C6: variants seen among roughly 807,000 people sequenced by gnomAD.
The protein encoded by C6 is complement C6.
In C6, 101 loss-of-function variants were observed where a neutral mutation model predicts 112.9. The observed-to-expected ratio is 0.89, with a 90% confidence interval of 0.76 to 1.06. C6 has a LOEUF of 1.06. Ranked by LOEUF, C6 falls within the 50% of genes least tolerant of loss-of-function variation. C6 has a pLI of 0.00. For missense variants in C6, 1,202 were observed against 1,104.6 expected, an observed-to-expected ratio of 1.09 and a Z score of -1.25; for synonymous variants, 431 against 384.1, an observed-to-expected ratio of 1.12 and a Z score of -1.43.
intron 17 of C6, among the ~76,000 whole-genome samples, chr5:41,144,430 C>A (rs1414474477): frequency 2.6e-5 from 4 of 151,894 alleles, no homozygotes; most frequent in Non-Finnish European, 5.9e-5. Context: ...ACCATGCTCA[C>A]CTAATCTATT....
At chr5:41,257,904 A>T (rs1003126064) in intron 1 of C6, among the ~76,000 whole-genome samples, 11 of 152,122 alleles carry the variant, frequency 7.2e-5, no homozygotes, top group African/African-American at 2.7e-4. Flanking sequence ...GATATTATTT[A>T]CTTAAAAGAA....
Position 41,186,212 on chromosome 5 carries a change from G to T in C6, c.588-4C>A. On this transcript the variant is annotated splice_region_variant and splice_polypyrimidine_tract_variant and intron_variant, in intron 5 of 17. Transcript: ENST00000337836. ...CTCTCCTGCCAGAAAATGAAACCTA[G>T]AAACAAAGTAATTTTCAGGAATTCA... 1 of 1,613,574 alleles carries T rather than the reference G, an allele frequency of 6.2e-7. No homozygotes were observed. The highest frequency in any genetic ancestry group is 8.5e-7 in the Non-Finnish European group (1 of 1,179,722).
chr5:41,206,421 C>T (rs1041864911), intron 1 of C6, among the ~76,000 whole-genome samples: 1 of 152,110 alleles, frequency 6.6e-6, no homozygotes, highest in African/African-American at 2.4e-5. Context: ...TAATAACAGA[C>T]TTCTCTGAGC....
intron 4 of C6, among the ~76,000 whole-genome samples, chr5:41,196,836 C>T (rs1463335289): frequency 1.3e-5 from 2 of 151,966 alleles, no homozygotes; most frequent in Non-Finnish European, 2.9e-5. Context: ...TTCTGACTTA[C>T]TGAATTTCAT....
chr5:41,198,000 T>A (rs189744988), intron 4 of C6, among the ~76,000 whole-genome samples: 31 of 152,296 alleles, frequency 2.0e-4, no homozygotes, highest in African/African-American at 7.5e-4. Flanking sequence ...TGGAAGCGAT[T>A]TGTGTCACTG....
intron 1 of C6, among the ~76,000 whole-genome samples, chr5:41,240,861 T>C (rs1200632314): frequency 6.6e-6 from 1 of 152,076 alleles, no homozygotes; most frequent in East Asian, 1.9e-4. Flanking sequence ...CTCCATAGTG[T>C]GCATGGGTAT....
chr5:41,144,881 C>A (rs1273357557), intron 17 of C6, among the ~76,000 whole-genome samples: 1 of 152,194 alleles, frequency 6.6e-6, no homozygotes, highest in African/African-American at 2.4e-5. Context: ...TAATGGCTTC[C>A]AGCTCCATCC....
chr5:41,241,933 T>C (rs1449029094), intron 1 of C6, among the ~76,000 whole-genome samples: 1 of 152,072 alleles, frequency 6.6e-6, no homozygotes, highest in Non-Finnish European at 1.5e-5. Flanking sequence ...TGGATGAATC[T>C]TGAAAAGGAG....
Position 41,142,935 on chromosome 5 carries a change from T to C in C6, c.2695A>G (p.Lys899Glu). 1 of 1,613,640 alleles carries C rather than the reference T, an allele frequency of 6.2e-7. No homozygotes were observed. The highest frequency in any genetic ancestry group is 1.3e-5 in the African/African-American group (1 of 75,004). Residue 899 changes from lysine to glutamate, a missense_variant, in exon 18 of 18, where the codon AAA becomes GAA. Lys to Glu is a moderately conservative substitution (Grantham distance 56). Coordinates refer to ENST00000337836, the MANE Select transcript of C6 (RefSeq NM_000065.5). ...TTCTCACTTGTTGATGATCCCATTT[T>C]GACACAGTAGAGTTGGTTTCCACCC... ...FKGGNQLYCV[K>E]MGSSTSEKTL...
intron 5 of C6, among the ~76,000 whole-genome samples, chr5:41,191,685 T>G (rs779593736): frequency 2.0e-5 from 3 of 152,168 alleles, no homozygotes; most frequent in Admixed American, 6.5e-5. Flanking sequence ...TTAGCTCTCT[T>G]GATTTCTTTT....
intron 8 of C6, among the ~76,000 whole-genome samples, chr5:41,175,855 A>C (rs1748795769): frequency 6.6e-6 from 1 of 152,212 alleles, no homozygotes; most frequent in Non-Finnish European, 1.5e-5. Context: ...ACTGAAAGGA[A>C]ACATAAAGCA....
intron 1 of C6, among the ~76,000 whole-genome samples, chr5:41,230,516 G>A (rs992426124): frequency 4.6e-5 from 7 of 152,046 alleles, no homozygotes; most frequent in African/African-American, 1.7e-4. Context: ...ATTCCAGCCT[G>A]GTAAATTCTA....
At chr5:41,233,004 GC>G (rs1740004569) in intron 1 of C6, among the ~76,000 whole-genome samples, 1 of 151,686 alleles carries the variant, frequency 6.6e-6, no homozygotes, top group African/African-American at 2.4e-5. Context: ...CATTATTTCT[GC>G]TTTGTATGCA....
chr5:41,168,678 A>C (rs1405844189), intron 9 of C6, among the ~76,000 whole-genome samples: 7 of 152,164 alleles, frequency 4.6e-5, no homozygotes, highest in Non-Finnish European at 1.0e-4. Context: ...TTGCATTGAC[A>C]CAGTTAAAGT....
exon 1 of C6, chr5:41,261,347 G>A (rs1407681598): frequency 3.3e-6 from 1 of 304,634 alleles, no homozygotes; most frequent in Non-Finnish European, 4.8e-6. Flanking sequence ...CTCTTTAAAA[G>A]TATTTCAGTT....
chr5:41,164,034 T>G (rs1014062442), intron 9 of C6, among the ~76,000 whole-genome samples: 7 of 146,668 alleles, frequency 4.8e-5, no homozygotes, highest in African/African-American at 1.8e-4. Flanking sequence ...AATGAGTATA[T>G]GGAATAGGTA....
At chr5:41,232,064 C>T (rs1483692672) in intron 1 of C6, among the ~76,000 whole-genome samples, 6 of 151,998 alleles carry the variant, frequency 3.9e-5, no homozygotes, top group Non-Finnish European at 7.4e-5. Context: ...TGTTAGGACT[C>T]CTAATTCATA....
intron 14 of C6, 21 bp from the exon 15 acceptor site, chr5:41,154,019 A>G: frequency 5.0e-6 from 8 of 1,611,130 alleles, no homozygotes; most frequent in Non-Finnish European, 6.8e-6. Context: ...GCAACATTTC[A>G]TATGTGTTTA....
chr5:41,168,933 T>C (rs1748198315), intron 9 of C6, among the ~76,000 whole-genome samples: 1 of 152,154 alleles, frequency 6.6e-6, no homozygotes, highest in African/African-American at 2.4e-5. Flanking sequence ...AAGCAAGTAG[T>C]TCCTTAGTAG....
Sources: gnomAD v4.1 joint callset for allele counts (sites outside exome capture counted in the v4.1 genomes callset) on GRCh38, gnomAD v4.1.1 for gene constraint, MANE v1.5 for transcripts, NCBI Gene and HGNC (gene_info 2026-07-23, HGNC 2026-07-21) for gene names.